The following ZBTB16 variants were observed in gnomAD, a reference collection of about 807,000 sequenced individuals.
ZBTB16 encodes the protein zinc finger and BTB domain containing 16.
ZBTB16 carries 8 observed loss-of-function variants against 56.8 expected under a neutral mutation model. The ratio of observed to expected loss-of-function variants is 0.14; its 90% CI spans 0.08 to 0.25. ZBTB16 has a LOEUF of 0.25. Among genes scored for constraint, ZBTB16 ranks in the 10% least tolerant of loss-of-function variants. The pLI, the probability that ZBTB16 is intolerant of heterozygous loss-of-function variation, is 1.00. For missense variants in ZBTB16, 625 were observed against 903.0 expected, an observed-to-expected ratio of 0.69 and a Z score of 3.95; for synonymous variants, 363 against 368.5, an observed-to-expected ratio of 0.98 and a Z score of 0.17.
intron 4 of ZBTB16, among the ~76,000 whole-genome samples, chr11:114,229,012 G>T (rs1450896398): frequency 1.3e-5 from 2 of 152,162 alleles, no homozygotes; most frequent in Non-Finnish European, 2.9e-5. Flanking sequence ...CAGAGTCGGG[G>T]TGAGTAAGGA....
chr11:114,230,650 A>C (rs1591800285), intron 4 of ZBTB16, among the ~76,000 whole-genome samples: 1 of 137,822 alleles, frequency 7.3e-6, no homozygotes, highest in Non-Finnish European at 1.6e-5. Context: ...GGCGGGAAGG[A>C]GAGGAGCCAT....
chr11:114,219,564 G>A (rs1175774930), intron 4 of ZBTB16, among the ~76,000 whole-genome samples: 1 of 151,928 alleles, frequency 6.6e-6, no homozygotes, highest in Non-Finnish European at 1.5e-5. Context: ...CTGCAAAATC[G>A]AGTTGTGTCT....
chr11:114,096,560 A>T (rs238933), intron 2 of ZBTB16, among the ~76,000 whole-genome samples: 137,801 of 152,128 alleles, frequency 0.91, 63,147 homozygotes, highest in Non-Finnish European at 0.98. Flanking sequence ...ATGTTTTTTT[A>T]AACATCGTTG....
chr11:114,103,031 G>A (rs566220517), intron 2 of ZBTB16, among the ~76,000 whole-genome samples: 2 of 152,284 alleles, frequency 1.3e-5, no homozygotes, highest in Non-Finnish European at 2.9e-5. Flanking sequence ...CTTATTTGAA[G>A]GCAAACATTA....
At chr11:114,099,239 C>T (rs1337928213) in intron 2 of ZBTB16, among the ~76,000 whole-genome samples, 1 of 152,062 alleles carries the variant, frequency 6.6e-6, no homozygotes, top group Non-Finnish European at 1.5e-5. Flanking sequence ...TTTAGTTTTT[C>T]TAAGTATGGA....
chr11:114,076,427 G>T (rs1009686585), intron 2 of ZBTB16, among the ~76,000 whole-genome samples: 2 of 152,078 alleles, frequency 1.3e-5, no homozygotes, highest in Non-Finnish European at 2.9e-5. Context: ...TTCACTTTAC[G>T]TGGAAAAACT....
chr11:114,131,666 T>G (rs958959943), intron 2 of ZBTB16, among the ~76,000 whole-genome samples: 2 of 151,872 alleles, frequency 1.3e-5, no homozygotes, highest in African/African-American at 2.4e-5. Flanking sequence ...GGGACATAGC[T>G]CCCCCCCTTT....
intron 4 of ZBTB16, among the ~76,000 whole-genome samples, chr11:114,196,066 A>G (rs995546937): frequency 6.6e-6 from 1 of 152,210 alleles, no homozygotes; most frequent in African/African-American, 2.4e-5. Context: ...GTAGATCTTA[A>G]GGCCCTGAGG....
chr11:114,124,842 G>A (rs751405844), intron 2 of ZBTB16, among the ~76,000 whole-genome samples: 1 of 152,240 alleles, frequency 6.6e-6, no homozygotes, highest in Admixed American at 6.5e-5. Flanking sequence ...TGAGTGTGGA[G>A]TGCAGCACGA....
At chr11:114,110,518 G>A (rs1940968783) in intron 2 of ZBTB16, among the ~76,000 whole-genome samples, 1 of 152,310 alleles carries the variant, frequency 6.6e-6, no homozygotes, top group East Asian at 1.9e-4. Context: ...CACTGATGCA[G>A]ATTTAAAGAA....
intron 2 of ZBTB16, among the ~76,000 whole-genome samples, chr11:114,123,340 G>C (rs1941397297): frequency 6.6e-6 from 1 of 152,136 alleles, no homozygotes; most frequent in Admixed American, 6.5e-5. Flanking sequence ...GACCAGTGCA[G>C]ATGAAAAGGC....
intron 3 of ZBTB16, among the ~76,000 whole-genome samples, chr11:114,165,860 C>A (rs981133792): frequency 1.3e-5 from 2 of 152,192 alleles, no homozygotes; most frequent in Non-Finnish European, 2.9e-5. Flanking sequence ...CCTGGGACAT[C>A]TGTGCTCACA....
intron 4 of ZBTB16, among the ~76,000 whole-genome samples, chr11:114,190,956 T>C (rs1420943514): frequency 6.6e-6 from 1 of 152,134 alleles, no homozygotes; most frequent in Non-Finnish European, 1.5e-5. Flanking sequence ...CTCAGGAAGC[T>C]TACAATCATG....
intron 2 of ZBTB16, among the ~76,000 whole-genome samples, chr11:114,148,424 C>CCTCT (rs1192234291): frequency 4.1e-5 from 1 of 24,420 alleles, no homozygotes; most frequent in Non-Finnish European, 8.6e-5. Context: ...TCCCTCCCTC[C>CCTCT]CTCTCTCTCT....
chr11:114,142,295 C>G (rs1285364711), intron 2 of ZBTB16, among the ~76,000 whole-genome samples: 52 of 152,334 alleles, frequency 3.4e-4, no homozygotes, highest in African/African-American at 1.2e-3. Flanking sequence ...ACCCCCTTCC[C>G]CAGTAGCTCT....
intron 3 of ZBTB16, among the ~76,000 whole-genome samples, chr11:114,185,920 A>T (rs531301452): frequency 6.6e-6 from 1 of 152,364 alleles, no homozygotes; most frequent in African/African-American, 2.4e-5. Context: ...GCACTGAATT[A>T]ATTTTATTTA....
intron 2 of ZBTB16, among the ~76,000 whole-genome samples, chr11:114,131,333 G>T (rs889731142): frequency 6.6e-6 from 1 of 152,200 alleles, no homozygotes; most frequent in Admixed American, 6.5e-5. Context: ...TGCCAATAGT[G>T]CTGAGGCTGA....
intron 2 of ZBTB16, among the ~76,000 whole-genome samples, chr11:114,087,399 T>C (rs61904448): frequency 0.33 from 47,313 of 145,506 alleles, 7,766 homozygotes; most frequent in African/African-American, 0.4. Flanking sequence ...ACACCAGTCC[T>C]GCAAGGATCT....
intron 2 of ZBTB16, among the ~76,000 whole-genome samples, chr11:114,091,138 C>T (rs554824046): frequency 5.3e-5 from 8 of 152,122 alleles, no homozygotes; most frequent in Non-Finnish European, 8.8e-5. Context: ...TGCTTGAGCC[C>T]TGGAGTTGGA....
Sources: allele counts gnomAD v4.1 joint callset (sites outside exome capture counted in the v4.1 genomes callset), GRCh38; gene constraint gnomAD v4.1.1; transcripts MANE v1.5; gene names NCBI Gene and HGNC (gene_info 2026-07-23, HGNC 2026-07-21).